Variants in HIPK3 observed in about 807,000 individuals in gnomAD.
The protein encoded by HIPK3 is homeodomain-interacting protein kinase 3.
In HIPK3, 47 loss-of-function variants were observed where a neutral mutation model predicts 124.2. The ratio of observed to expected loss-of-function variants is 0.38; its 90% CI spans 0.30 to 0.48. HIPK3 has a LOEUF of 0.48. HIPK3 is among the 20% of genes least tolerant of loss of function. HIPK3 has a pLI of 0.98. For synonymous variants in HIPK3, 482 were observed against 515.2 expected (o/e 0.94, Z 0.87); for missense variants, 1,286 against 1,454.3 (o/e 0.88, Z 1.88).
intron 4 of HIPK3, 78 bp from the exon 5 acceptor site, chr11:33,338,679 A>G: frequency 1.3e-6 from 1 of 766,696 alleles, no homozygotes; most frequent in East Asian, 2.8e-5. Context: ...AGAATATTTA[A>G]TATATTAGAC....
intron 1 of HIPK3, chr11:33,258,516 G>A (rs1267755390): frequency 2.0e-6 from 2 of 985,380 alleles, no homozygotes; most frequent in Non-Finnish European, 2.4e-6. Context: ...GCGGCTCCGC[G>A]TCCCCAGCGG....
chr11:33,259,253 C>A (rs1407790744), intron 1 of HIPK3, among the ~76,000 whole-genome samples: 1 of 152,140 alleles, frequency 6.6e-6, no homozygotes, highest in Non-Finnish European at 1.5e-5. Context: ...AAGTCTTGAG[C>A]CGTAACGGTG....
Position 33,348,662 on chromosome 11 carries a change from G to A in HIPK3, c.2510G>A (p.Cys837Tyr). Residue 837 changes from cysteine (C) to tyrosine (Y), a missense_variant, in exon 13 of 17, where the codon TGT (cysteine) becomes TAT (tyrosine). By Grantham distance (194) the Cys-to-Tyr change is radical. Around this residue, in one of 3 missense-constraint regions of HIPK3, gnomAD observed 810 missense variants for 864.9 expected, o/e 0.94. Transcript: ENST00000303296. ...QNSEGEARNC[C>Y]ETSIRQDSDS... The stretch of plus-strand genomic sequence containing the variant: ...TCAGAAGGAGAGGCAAGAAATTGCT[G>A]TGAAACATCTATCAGACAGGACTCT... 1 of 1,614,158 alleles carries A rather than the reference G, an allele frequency of 6.2e-7. No homozygotes were observed. Among genetic ancestry groups the A allele is most frequent in the Non-Finnish European group, 8.5e-7 (1 of 1,180,018 alleles).
chr11:33,345,825 C>T (rs910243033), intron 8 of HIPK3, among the ~76,000 whole-genome samples: 1 of 152,018 alleles, frequency 6.6e-6, no homozygotes, highest in Admixed American at 6.6e-5. Flanking sequence ...AGGTAACAGT[C>T]TCAGTGAAGA....
At chr11:33,263,723 G>A (rs1850884309) in intron 1 of HIPK3, among the ~76,000 whole-genome samples, 1 of 152,188 alleles carries the variant, frequency 6.6e-6, no homozygotes, top group South Asian at 2.1e-4. Flanking sequence ...TCAGTCTTGT[G>A]AAATAATAGC....
intron 2 of HIPK3, among the ~76,000 whole-genome samples, chr11:33,322,581 T>G (rs1852696231): frequency 6.6e-6 from 1 of 152,130 alleles, no homozygotes; most frequent in African/African-American, 2.4e-5. Flanking sequence ...ATCCCAGCAC[T>G]TCAGGAGGCC....
intron 8 of HIPK3, among the ~76,000 whole-genome samples, chr11:33,346,448 C>G (rs376811289): frequency 6.6e-6 from 1 of 152,062 alleles, no homozygotes; most frequent in Admixed American, 6.5e-5. Flanking sequence ...TGTGCCATCC[C>G]GGAATTTTCA....
chr11:33,334,543 A>C (rs1408209266), intron 3 of HIPK3, among the ~76,000 whole-genome samples: 2 of 152,278 alleles, frequency 1.3e-5, no homozygotes, highest in East Asian at 3.9e-4. Context: ...TTGATCCTCT[A>C]GGTCAGGGGT....
chr11:33,328,407 A>T (rs1357520807), intron 2 of HIPK3, 103 bp from the exon 3 acceptor site: 1 of 1,109,764 alleles, frequency 9.0e-7, no homozygotes, highest in Admixed American at 1.9e-5. Flanking sequence ...TATACATAGA[A>T]TGTGATACCT....
chr11:33,303,444 A>G (rs971649988), intron 2 of HIPK3, among the ~76,000 whole-genome samples: 1 of 152,222 alleles, frequency 6.6e-6, no homozygotes, highest in African/African-American at 2.4e-5. Context: ...CTCGTAGGTT[A>G]AAAGAAGACT....
At chr11:33,311,022 G>T (rs1208825487) in intron 2 of HIPK3, among the ~76,000 whole-genome samples, 2 of 152,134 alleles carry the variant, frequency 1.3e-5, no homozygotes, top group South Asian at 2.1e-4. Flanking sequence ...GCAGGCTCTT[G>T]ACTACTACTT....
chr11:33,348,726 T>C lies in HIPK3; in HGVS notation c.2574T>C (p.Ile858=). 1 of 1,614,060 alleles carries C rather than the reference T, an allele frequency of 6.2e-7. No homozygotes were observed. The highest frequency in any genetic ancestry group is 1.1e-5 in the South Asian group (1 of 91,078). ...SVSDKQRQTI[I]IADSPSPAVS... Reference sequence around the variant, plus strand: ...CAGACAAACAGCGGCAAACCATCATTATTGCCGACTCCCCGAGTCCTGCAG... The same window carrying C: ...CAGACAAACAGCGGCAAACCATCATCATTGCCGACTCCCCGAGTCCTGCAG... Residue 858 remains isoleucine (I), a synonymous_variant, in exon 13 of 17, where the codon ATT becomes ATC. Coordinates refer to ENST00000303296, the MANE Select transcript of HIPK3 (RefSeq NM_005734.5).
intron 1 of HIPK3, among the ~76,000 whole-genome samples, chr11:33,263,604 C>T (rs946797777): frequency 1.3e-5 from 2 of 152,178 alleles, no homozygotes; most frequent in African/African-American, 2.4e-5. Context: ...TAAGCCACCG[C>T]GCCTGGCTGC....
At chr11:33,306,388 TA>T (rs2133935096) in intron 2 of HIPK3, among the ~76,000 whole-genome samples, 1 of 152,310 alleles carries the variant, frequency 6.6e-6, no homozygotes, top group South Asian at 2.1e-4. Flanking sequence ...TTTTTGCTTG[TA>T]ATATGGTTTT....
intron 2 of HIPK3, among the ~76,000 whole-genome samples, chr11:33,320,637 T>TA (rs1852636753): frequency 6.6e-6 from 1 of 152,152 alleles, no homozygotes; most frequent in African/African-American, 2.4e-5. Flanking sequence ...TGTTAATAGA[T>TA]ACACCATATT....
At chr11:33,351,952 G>A in intron 15 of HIPK3, 109 bp downstream of exon 15, 1 of 1,058,352 alleles carries the variant, frequency 9.4e-7, no homozygotes, top group East Asian at 2.6e-5. Flanking sequence ...ACTTGACCCT[G>A]CCTTATGTAT....
chr11:33,332,703 T>A (rs1370306118), intron 3 of HIPK3, among the ~76,000 whole-genome samples: 2 of 152,232 alleles, frequency 1.3e-5, no homozygotes, highest in Admixed American at 1.3e-4. Flanking sequence ...TCTATTTTTG[T>A]CAGGCTATTT....
At chr11:33,334,256 A>G (rs1192512735) in intron 3 of HIPK3, among the ~76,000 whole-genome samples, 1 of 152,198 alleles carries the variant, frequency 6.6e-6, no homozygotes, top group Non-Finnish European at 1.5e-5. Flanking sequence ...AGAGTAGAGT[A>G]ATTACCTCTG....
intron 3 of HIPK3, among the ~76,000 whole-genome samples, chr11:33,330,699 G>T (rs1372348563): frequency 6.6e-6 from 1 of 152,054 alleles, no homozygotes; most frequent in Non-Finnish European, 1.5e-5. Context: ...GATTTTGTGG[G>T]CGTCTTTGTT....
Sources: gnomAD v4.1 joint callset for allele counts (sites outside exome capture counted in the v4.1 genomes callset) on GRCh38, gnomAD v4.1.1 for gene constraint, gnomAD v4.1.1 regional missense constraint, MANE v1.5 for transcripts, NCBI Gene and HGNC (gene_info 2026-07-23, HGNC 2026-07-21) for gene names.